Variants in MVB12A observed in about 807,000 individuals in gnomAD.
MVB12A encodes CIN85/CD2AP family binding protein.
Under a neutral mutation model 34.3 loss-of-function variants are expected in MVB12A, and 30 were observed. That is an observed-to-expected ratio of 0.88 (90% CI 0.65 to 1.19). The LOEUF is 1.19. Among genes scored for constraint, MVB12A ranks in the 50% most tolerant of loss-of-function variants. MVB12A has a pLI of 0.00. For synonymous variants in MVB12A, 158 were observed against 158.9 expected (o/e 0.99, Z 0.04); for missense variants, 355 against 369.2 (o/e 0.96, Z 0.31).
intron 2 of MVB12A, among the ~76,000 whole-genome samples, chr19:17,408,502 A>G (rs2145749546): frequency 6.6e-6 from 1 of 150,872 alleles, no homozygotes; most frequent in Non-Finnish European, 1.5e-5. Context: ...GCTGGAGTGC[A>G]GTGGCACGAT....
At chr19:17,414,420 C>T (rs1886662495) in intron 2 of MVB12A, 1 of 152,268 alleles carries the variant, frequency 6.6e-6, no homozygotes, top group South Asian at 2.1e-4. Context: ...TCCAGGAGGA[C>T]CTCGTTCTTA....
upstream of MVB12A, chr19:17,418,009 G>T: frequency 6.0e-6 from 1 of 165,688 alleles, no homozygotes; most frequent in Non-Finnish European, 1.3e-5. Context: ...CGATTCTCCT[G>T]CCTCAGGCTC....
At chr19:17,406,331 GGGGAATAACA>G in intron 2 of MVB12A, 2 of 152,308 alleles carry the variant, frequency 1.3e-5, no homozygotes, top group South Asian at 4.1e-4. Context: ...CATCTGCAAA[GGGGAATAACA>G]GGGCCAGCCT....
upstream of MVB12A, chr19:17,417,157 A>G (rs2074805397): frequency 4.4e-6 from 1 of 228,552 alleles, no homozygotes; most frequent in South Asian, 5.5e-5. Flanking sequence ...TTGCCGCCTT[A>G]GTGACGTCAA....
At chr19:17,411,439 T>A (rs2074768913) in intron 2 of MVB12A, among the ~76,000 whole-genome samples, 1 of 151,962 alleles carries the variant, frequency 6.6e-6, no homozygotes, top group African/African-American at 2.4e-5. Context: ...ACTGCAGCCT[T>A]TGACCTCCTG....
upstream of MVB12A, chr19:17,419,361 G>C (rs1393914423): frequency 1.3e-5 from 2 of 152,172 alleles, no homozygotes; most frequent in East Asian, 3.8e-4. Flanking sequence ...ACAAAGTGGG[G>C]AGGTAACTCG....
Position 17,424,006 on chromosome 19 carries a change from C to A in MVB12A, c.641C>A (p.Ala214Asp). ...TCCTCCCCTCGCACGTGTTTTTCAG[C>A]CATGGATGGGGTTCCCTTCACACTC... ...YEASSLYGISAMDGVPFTLHP... is the reference protein window; with the variant it reads ...YEASSLYGISDMDGVPFTLHP... The change falls in exon 7 of 9, where the codon GCC becomes GAC. Residue 214 changes from alanine to aspartate, a missense_variant and splice_region_variant. Ala to Asp is a moderately radical substitution (Grantham distance 126, BLOSUM62 -2). Coordinates refer to ENST00000317040, the MANE Select transcript of MVB12A (RefSeq NM_138401.4). 6.2e-7 allele frequency: 1 copy of A among 1,614,136 alleles called. No homozygotes were observed. The highest frequency in any genetic ancestry group is 8.5e-7 in the Non-Finnish European group (1 of 1,180,022).
At chr19:17,407,005 C>G (rs564854920) in intron 2 of MVB12A, among the ~76,000 whole-genome samples, 54 of 152,174 alleles carry the variant, frequency 3.5e-4, no homozygotes, top group Non-Finnish European at 6.6e-4. Context: ...CAGCACTGTT[C>G]TGGCCTGCTA....
At chr19:17,414,494 C>T (rs1415778915) in intron 2 of MVB12A, 2 of 152,276 alleles carry the variant, frequency 1.3e-5, no homozygotes, top group Non-Finnish European at 2.9e-5. Context: ...GCAGATATTT[C>T]CCTGGGTCCA....
At chr19:17,408,816 G>A (rs572030757) in intron 2 of MVB12A, among the ~76,000 whole-genome samples, 30 of 136,264 alleles carry the variant, frequency 2.2e-4, no homozygotes, top group Non-Finnish European at 2.7e-4. Context: ...AGTAATTGCG[G>A]TTTCTGCCAT....
At chr19:17,405,861 T>A in intron 1 of MVB12A, 1 of 340,990 alleles carries the variant, frequency 2.9e-6, no homozygotes, top group East Asian at 6.0e-5. Flanking sequence ...CACTCCATCT[T>A]AAGTCCCTGT....
intron 2 of MVB12A, among the ~76,000 whole-genome samples, chr19:17,408,549 C>A (rs1281046259): frequency 1.3e-5 from 2 of 150,312 alleles, no homozygotes; most frequent in Non-Finnish European, 3.0e-5. Flanking sequence ...GGAGTTCAAG[C>A]GATTCCCCTG....
rs562496133 is a variant in MVB12A at position 17,420,968 on chromosome 19, A to C, written c.286+334A>C. ...TTTCTTTTTCATTTCCAGGCTTTGC[A>C]CACGCCGCTTCCTCTGCCTGGGGCA... On this transcript the variant is annotated intron_variant, in intron 3 of 8. Coordinates refer to ENST00000317040, the MANE Select transcript of MVB12A (RefSeq NM_138401.4). 33 of 524,334 alleles carry C rather than the reference A, an allele frequency of 6.3e-5. 1 individual carries two copies. The highest frequency in any genetic ancestry group is 3.7e-4 in the South Asian group (24 of 65,156). 32.5% of individuals were successfully genotyped at this position (524,334 alleles called of 1,614,324 possible).
At chr19:17,424,699 A>T (rs2074859444) in intron 8 of MVB12A, 22 bp downstream of exon 8, 4 of 1,596,136 alleles carry the variant, frequency 2.5e-6, no homozygotes, top group Non-Finnish European at 3.4e-6. Context: ...GCTAGGGAGG[A>T]GGTGGGTGCA....
At position 17,423,779 on chromosome 19, in the gene MVB12A, C is replaced by A. The variant is rs1285677862; in HGVS notation, c.620C>A (p.Ser207Tyr). Residue 207 changes from serine (S) to tyrosine (Y), a missense_variant, in exon 6 of 9, where the codon TCC becomes TAC. Ser to Tyr is a moderately radical substitution (Grantham distance 144). Coordinates refer to ENST00000317040, the MANE Select transcript of MVB12A (RefSeq NM_138401.4). Reference protein sequence around the residue: ...LRRNDSIYEASSLYGISAMDG... With the variant: ...LRRNDSIYEAYSLYGISAMDG... ...AGGAATGACTCCATCTACGAGGCCT[C>A]CAGCCTCTATGGCATCTCAGGTGAG... 13 of 1,613,948 alleles carry A rather than the reference C, an allele frequency of 8.1e-6. No individual in the cohort carries two copies. Among genetic ancestry groups the A allele is most frequent in the Non-Finnish European group, 1.1e-5 (13 of 1,179,886 alleles).
Position 17,420,139 on chromosome 19 carries a change from G to A in MVB12A, c.4G>A (p.Asp2Asn), listed in dbSNP as rs1166017221. 7.4e-6 allele frequency: 10 copies of A among 1,357,610 alleles called. No individual in the cohort carries two copies. In the African/African-American group the frequency reaches 1.4e-4, roughly 19 times the overall value. The allele number at this position is 1,357,610 out of a possible 1,614,324, so 84.1% of individuals were successfully genotyped here. A position where few individuals can be genotyped will look rare whatever the true frequency, so the allele number is the denominator to read the frequency against. M[D>N]PVPGTDSAPL... Reference sequence around the variant, plus strand: ...CCTTCGGCGCTCGGCTCGCAGGATGGATCCCGTACCCGGGACAGACTCGGC... The same window carrying A: ...CCTTCGGCGCTCGGCTCGCAGGATGAATCCCGTACCCGGGACAGACTCGGC... The change falls in exon 1 of 9, where the codon GAT (aspartate) becomes AAT (asparagine). Residue 2 changes from aspartate to asparagine, a missense_variant. Physicochemically the swap from Asp to Asn is conservative, Grantham distance 23 (BLOSUM62 1). Coordinates refer to ENST00000317040, the MANE Select transcript of MVB12A (RefSeq NM_138401.4).
chr19:17,416,408 C>A (rs914301510), upstream of MVB12A, among the ~76,000 whole-genome samples: 2 of 148,366 alleles, frequency 1.3e-5, no homozygotes, highest in Non-Finnish European at 3.0e-5. Context: ...CCGTGCCCAG[C>A]CTGCTTTTTT....
At chr19:17,407,634 AG>A (rs1380701594) in intron 2 of MVB12A, among the ~76,000 whole-genome samples, 10 of 152,228 alleles carry the variant, frequency 6.6e-5, no homozygotes, top group Non-Finnish European at 1.5e-4. Flanking sequence ...ACTGCTATCT[AG>A]AAGGCAGAGC....
chr19:17,407,735 C>T (rs4808632), intron 2 of MVB12A, among the ~76,000 whole-genome samples: 43,780 of 152,084 alleles, frequency 0.29, 8,281 homozygotes, highest in African/African-American at 0.55. Context: ...GCCAGATAAC[C>T]GCGGGCGAGC....
Sources: allele counts gnomAD v4.1 joint callset (sites outside exome capture counted in the v4.1 genomes callset), GRCh38; gene constraint gnomAD v4.1.1; transcripts MANE v1.5; gene names NCBI Gene and HGNC (gene_info 2026-07-23, HGNC 2026-07-21).